Variants in SLC44A5 observed in about 807,000 individuals in gnomAD.
SLC44A5 encodes the protein choline transporter-like protein 5.
SLC44A5 carries 57 observed loss-of-function variants against 101.8 expected under a neutral mutation model. The ratio of observed to expected loss-of-function variants is 0.56; its 90% CI spans 0.45 to 0.70. The LOEUF is 0.70. Ranked by LOEUF, SLC44A5 falls within the 30% of genes least tolerant of loss-of-function variation. The pLI, the probability that SLC44A5 is intolerant of heterozygous loss-of-function variation, is 0.00. For missense variants in SLC44A5, 737 were observed against 853.1 expected (o/e 0.86, Z 1.70); for synonymous variants, 281 against 290.9 (o/e 0.97, Z 0.35).
intron 1 of SLC44A5, among the ~76,000 whole-genome samples, chr1:75,554,356 T>C (rs542392343): frequency 1.3e-5 from 2 of 151,012 alleles, no homozygotes; most frequent in African/African-American, 2.4e-5. Context: ...TAGTCCCAGC[T>C]ACTCAGGAGT....
rs547036674 is a variant in SLC44A5, at chr1:75,598,727, G to C, written c.-70+12313C>G. On this transcript the variant is annotated intron_variant, in intron 1 of 23. Coordinates refer to ENST00000370859, the MANE Select transcript of SLC44A5 (RefSeq NM_001130058.2). ...CTTACAAGTGGGAGCTAAATGATGA[G>C]AGCACATGGACACATAGAGGGAAAC... Among the ~76,000 whole-genome samples the C allele has an allele frequency of 6.6e-5, 10 of 152,284 alleles. No individual in the cohort carries two copies. The East Asian group carries it at 1.9e-3, about 29-fold the overall frequency.
chr1:75,208,336 A>G (rs1052672034), intron 23 of SLC44A5, among the ~76,000 whole-genome samples: 10 of 151,944 alleles, frequency 6.6e-5, no homozygotes, highest in Non-Finnish European at 1.2e-4. Flanking sequence ...TTTTTGTATT[A>G]TTTGTAGAGA....
At chr1:75,497,868 G>C (rs1668757688) in intron 2 of SLC44A5, among the ~76,000 whole-genome samples, 1 of 152,080 alleles carries the variant, frequency 6.6e-6, no homozygotes. Flanking sequence ...TGGCTCACAA[G>C]AAACAATACC....
At chr1:75,691,636 G>A in the SLC44A5 span, among the ~76,000 whole-genome samples, 2 of 152,286 alleles carry the variant, frequency 1.3e-5, no homozygotes, top group African/African-American at 2.4e-5. Flanking sequence ...TGGGGCATGG[G>A]TGGCTTAGAG....
chr1:75,588,711 T>A (rs1368608259), intron 1 of SLC44A5, among the ~76,000 whole-genome samples: 4 of 151,198 alleles, frequency 2.6e-5, no homozygotes, highest in African/African-American at 9.7e-5. Flanking sequence ...AATAAAGATA[T>A]CTGGTTCCTA....
intron 1 of SLC44A5, among the ~76,000 whole-genome samples, chr1:75,553,883 C>A (rs1360123515): frequency 6.7e-6 from 1 of 149,672 alleles, no homozygotes; most frequent in Non-Finnish European, 1.5e-5. Flanking sequence ...CCTTGTGGAG[C>A]AGGAGGAGGA....
the SLC44A5 span, among the ~76,000 whole-genome samples, chr1:75,660,067 G>A: frequency 1.3e-5 from 2 of 152,020 alleles, no homozygotes; most frequent in East Asian, 3.9e-4. Flanking sequence ...AGCCTGGTGT[G>A]GTGGTGCATG....
chr1:75,622,509 A>C, the SLC44A5 span, among the ~76,000 whole-genome samples: 1 of 152,180 alleles, frequency 6.6e-6, no homozygotes, highest in Admixed American at 6.5e-5. Context: ...CCCCAAAAAA[A>C]ATAAAGAAAA....
At chr1:75,600,097 T>C (rs1570714354) in intron 1 of SLC44A5, among the ~76,000 whole-genome samples, 2 of 152,232 alleles carry the variant, frequency 1.3e-5, no homozygotes. Flanking sequence ...TTAGAAATGA[T>C]AACACTGACT....
intron 2 of SLC44A5, chr1:75,402,509 G>A (rs1400792591): frequency 6.3e-6 from 2 of 317,888 alleles, no homozygotes; most frequent in Non-Finnish European, 1.3e-5. Context: ...ATAGGGACTG[G>A]TTAGACAATG....
the SLC44A5 span, chr1:75,677,668 T>A: frequency 1.1e-4 from 46 of 402,894 alleles, no homozygotes; most frequent in East Asian, 2.3e-3. Flanking sequence ...AACTCTCCAA[T>A]AAAAAAACGT....
chr1:75,535,684 A>T (rs2101932453), intron 2 of SLC44A5, among the ~76,000 whole-genome samples: 1 of 152,332 alleles, frequency 6.6e-6, no homozygotes, highest in African/African-American at 2.4e-5. Flanking sequence ...TTTCCTAAAG[A>T]ATGGTGCAGG....
At chr1:75,472,083 T>TAAA (rs11284319) in intron 2 of SLC44A5, among the ~76,000 whole-genome samples, 1 of 141,302 alleles carries the variant, frequency 7.1e-6, no homozygotes. Flanking sequence ...CCCCTGGGTT[T>TAAA]AAAAAAAAAA....
chr1:75,265,390 A>T (rs1422581910), intron 6 of SLC44A5, among the ~76,000 whole-genome samples: 1 of 152,176 alleles, frequency 6.6e-6, no homozygotes, highest in African/African-American at 2.4e-5. Context: ...CTGAAAGCAT[A>T]TGCAACTGGG....
At chr1:75,365,475 T>C (rs1659791191) in intron 3 of SLC44A5, among the ~76,000 whole-genome samples, 1 of 152,186 alleles carries the variant, frequency 6.6e-6, no homozygotes, top group Non-Finnish European at 1.5e-5. Context: ...TCCAGCTCCA[T>C]CCATGTTTCC....
chr1:75,229,426 A>G (rs918225685), intron 12 of SLC44A5, among the ~76,000 whole-genome samples: 2 of 152,100 alleles, frequency 1.3e-5, no homozygotes, highest in African/African-American at 2.4e-5. Flanking sequence ...TCCTTTACTC[A>G]GTACACCCAT....
chr1:75,421,533 T>C (rs1332462483), intron 2 of SLC44A5, among the ~76,000 whole-genome samples: 1 of 152,190 alleles, frequency 6.6e-6, no homozygotes, highest in Admixed American at 6.5e-5. Context: ...TGTGGTGTGC[T>C]ATGGCTCATT....
At chr1:75,611,846 T>C (rs1675670110), upstream of SLC44A5, among the ~76,000 whole-genome samples, 1 of 152,002 alleles carries the variant, frequency 6.6e-6, no homozygotes, top group Admixed American at 6.6e-5. Flanking sequence ...ACTCTTCTCC[T>C]TCTGTGGACC....
chr1:75,575,247 A>C (rs1673295526), intron 1 of SLC44A5, among the ~76,000 whole-genome samples: 3 of 152,224 alleles, frequency 2.0e-5, no homozygotes, highest in Admixed American at 2.0e-4. Context: ...TGCTTCCCCC[A>C]CATGTGTCAT....
Sources: gnomAD v4.1 joint callset for allele counts (sites outside exome capture counted in the v4.1 genomes callset) on GRCh38, gnomAD v4.1.1 for gene constraint, MANE v1.5 for transcripts, NCBI Gene and HGNC (gene_info 2026-07-23, HGNC 2026-07-21) for gene names.